The following VAV3 variants were observed in gnomAD, a reference collection of about 807,000 sequenced individuals.
VAV3 encodes guanine nucleotide exchange factor VAV3.
VAV3 carries 94 observed loss-of-function variants against 131.2 expected under a neutral mutation model. That is an observed-to-expected ratio of 0.72 (90% confidence interval 0.61 to 0.85). The LOEUF (loss-of-function observed/expected upper bound fraction) is 0.85, where lower values mean the gene tolerates loss of function less well. Ranked by LOEUF, VAV3 falls within the 40% of genes least tolerant of loss-of-function variation. The probability of loss-of-function intolerance (pLI) is 0.00; values close to 1 mark genes in which losing one functional copy is unlikely to be tolerated. For missense variants in VAV3, 939 were observed against 1,002.7 expected, an observed-to-expected ratio of 0.94 and a Z score of 0.86; for synonymous variants, 349 against 342.0, an observed-to-expected ratio of 1.02 and a Z score of -0.22.
intron 6 of VAV3, among the ~76,000 whole-genome samples, chr1:107,769,121 A>AC (rs1664898636): frequency 6.6e-6 from 1 of 152,124 alleles, no homozygotes; most frequent in Non-Finnish European, 1.5e-5. Flanking sequence ...GCTTCATAGC[A>AC]CTAATTTCAA....
intron 15 of VAV3, among the ~76,000 whole-genome samples, chr1:107,738,293 T>G (rs533913055): frequency 6.6e-6 from 1 of 152,318 alleles, no homozygotes; most frequent in East Asian, 1.9e-4. Flanking sequence ...ACATGGCACA[T>G]GTATACATAC....
rs11810642 is a variant in VAV3, at chr1:107,840,016, A to G, written c.321+34885T>C. Reference sequence around the variant, plus strand: ...TGTATCAGCTAAAGAAGTCGAATTAATAATTAATAACCTTCCAAAAGAAAA... The same window carrying G: ...TGTATCAGCTAAAGAAGTCGAATTAGTAATTAATAACCTTCCAAAAGAAAA... On this transcript the variant is annotated intron_variant, in intron 2 of 26. Coordinates refer to ENST00000370056, the MANE Select transcript of VAV3 (RefSeq NM_006113.5). 3.9e-3 allele frequency among the ~76,000 whole-genome samples: 596 copies of G among 152,316 alleles called. 1 individual carries two copies. Among genetic ancestry groups the G allele is most frequent in the African/African-American group, 0.014 (582 of 41,586 alleles).
chr1:107,726,251 A>C (rs532525617), intron 15 of VAV3, among the ~76,000 whole-genome samples: 21 of 152,328 alleles, frequency 1.4e-4, no homozygotes, highest in Admixed American at 1.2e-3. Flanking sequence ...ATAAAAAGAA[A>C]GAAAGAAATT....
At chr1:107,873,856 A>C (rs1213385330) in intron 2 of VAV3, among the ~76,000 whole-genome samples, 1 of 152,130 alleles carries the variant, frequency 6.6e-6, no homozygotes, top group Non-Finnish European at 1.5e-5. Context: ...CGGAGAGAGA[A>C]CCAGGGCCTT....
At chr1:107,743,016 TTA>T (rs748003188) in intron 15 of VAV3, among the ~76,000 whole-genome samples, 2 of 152,136 alleles carry the variant, frequency 1.3e-5, no homozygotes, top group Non-Finnish European at 2.9e-5. Context: ...CAGGGAAAGC[TTA>T]TGTGTGAATA....
chr1:107,692,649 G>A (rs564202313), intron 17 of VAV3, among the ~76,000 whole-genome samples: 2 of 152,248 alleles, frequency 1.3e-5, no homozygotes, highest in South Asian at 4.1e-4. Context: ...CAATGTGGGT[G>A]CAGGTTCTAG....
At chr1:107,866,471 TAA>T (rs1355149943) in intron 2 of VAV3, among the ~76,000 whole-genome samples, 6 of 152,078 alleles carry the variant, frequency 3.9e-5, no homozygotes, top group African/African-American at 1.4e-4. Context: ...ACAATTTCAA[TAA>T]TCCCAGTGAT....
chr1:107,824,137 C>T (rs1667911887), intron 2 of VAV3, among the ~76,000 whole-genome samples: 1 of 151,858 alleles, frequency 6.6e-6, no homozygotes, highest in African/African-American at 2.4e-5. Context: ...GAGAAGTGTC[C>T]CAGTATACAG....
chr1:107,626,528 C>T (rs1021175407), intron 20 of VAV3, among the ~76,000 whole-genome samples: 24 of 152,164 alleles, frequency 1.6e-4, no homozygotes, highest in African/African-American at 5.5e-4. Flanking sequence ...TTTTTATCCC[C>T]ATGGCCACAG....
chr1:107,911,987 A>G (rs11185217), intron 1 of VAV3, among the ~76,000 whole-genome samples: 55,169 of 152,064 alleles, frequency 0.36, 10,908 homozygotes, highest in African/African-American at 0.54. Flanking sequence ...ATGACACAGA[A>G]CAGCCAGGCA....
intron 2 of VAV3, among the ~76,000 whole-genome samples, chr1:107,786,449 C>T (rs1413927201): frequency 6.6e-6 from 1 of 152,182 alleles, no homozygotes; most frequent in Non-Finnish European, 1.5e-5. Flanking sequence ...GGCTCTGTGC[C>T]TTAGTTCCCT....
chr1:107,746,987 C>T (rs563350867), intron 15 of VAV3, among the ~76,000 whole-genome samples: 1 of 151,926 alleles, frequency 6.6e-6, no homozygotes, highest in South Asian at 2.1e-4. Flanking sequence ...TCAAACAATT[C>T]TCCTGCTTCA....
At chr1:107,586,452 T>C (rs1411811045) in intron 25 of VAV3, among the ~76,000 whole-genome samples, 3 of 152,064 alleles carry the variant, frequency 2.0e-5, no homozygotes, top group Admixed American at 1.3e-4. Context: ...TCGACTGAAA[T>C]ATGTAGAACT....
chr1:107,699,523 A>C (rs147982029), intron 17 of VAV3, among the ~76,000 whole-genome samples: 1 of 152,290 alleles, frequency 6.6e-6, no homozygotes, highest in East Asian at 1.9e-4. Flanking sequence ...TGGAATCTGG[A>C]GGACCGTGGC....
At chr1:107,764,965 G>T (rs1288576761) in intron 9 of VAV3, 111 bp downstream of exon 9, 3 of 668,446 alleles carry the variant, frequency 4.5e-6, no homozygotes, top group Non-Finnish European at 5.0e-6. Context: ...AAATTGACAT[G>T]AAATTATATT....
intron 1 of VAV3, among the ~76,000 whole-genome samples, chr1:107,930,640 C>A (rs924327502): frequency 3.3e-5 from 5 of 152,024 alleles, no homozygotes; most frequent in South Asian, 2.1e-4. Flanking sequence ...ATTTTTTTAA[C>A]CACCATTTTG....
intron 2 of VAV3, among the ~76,000 whole-genome samples, chr1:107,838,356 A>G (rs979377193): frequency 8.5e-5 from 13 of 152,312 alleles, no homozygotes; most frequent in African/African-American, 2.9e-4. Context: ...TAAATGTTCA[A>G]CATCACTAAT....
chr1:107,601,735 C>T (rs142449265), intron 24 of VAV3, among the ~76,000 whole-genome samples: 1 of 152,174 alleles, frequency 6.6e-6, no homozygotes, highest in African/African-American at 2.4e-5. Flanking sequence ...ATGACATACA[C>T]AAAATATTCT....
At chr1:107,787,663 T>G (rs12116592) in intron 2 of VAV3, among the ~76,000 whole-genome samples, 1 of 152,010 alleles carries the variant, frequency 6.6e-6, no homozygotes, top group East Asian at 1.9e-4. Context: ...GTATTCTAAG[T>G]AGATTCACTT....
Sources: allele counts gnomAD v4.1 joint callset (sites outside exome capture counted in the v4.1 genomes callset), GRCh38; gene constraint gnomAD v4.1.1; transcripts MANE v1.5; gene names NCBI Gene and HGNC (gene_info 2026-07-23, HGNC 2026-07-21).